The following PATJ variants were observed in gnomAD, a reference collection of about 807,000 sequenced individuals.
PATJ encodes the protein PATJ crumbs cell polarity complex component.
In PATJ, 190 loss-of-function variants were observed where a neutral mutation model predicts 224.9. That is an observed-to-expected ratio of 0.84 (90% CI 0.75 to 0.95). The LOEUF (loss-of-function observed/expected upper bound fraction) is 0.95, where lower values mean the gene tolerates loss of function less well. Among genes scored for constraint, PATJ ranks in the 40% least tolerant of loss-of-function variants. The probability of loss-of-function intolerance (pLI) is 0.00; values close to 1 mark genes in which losing one functional copy is unlikely to be tolerated. For missense variants in PATJ, 2,121 were observed against 2,270.3 expected (o/e 0.93, Z 1.34); for synonymous variants, 769 against 820.3 (o/e 0.94, Z 1.07).
intron 29 of PATJ, among the ~76,000 whole-genome samples, chr1:62,028,195 T>G (rs1363845076): frequency 6.6e-6 from 1 of 152,182 alleles, no homozygotes; most frequent in Non-Finnish European, 1.5e-5. Context: ...TTCATTCTTT[T>G]TTTCCCCTCT....
chr1:61,985,683 A>G (rs1644716972), intron 27 of PATJ, among the ~76,000 whole-genome samples: 1 of 151,998 alleles, frequency 6.6e-6, no homozygotes, highest in Non-Finnish European at 1.5e-5. Flanking sequence ...GCACCTGCAG[A>G]TGTTCCAGGG....
chr1:62,081,928 T>C (rs1659334720), intron 32 of PATJ, among the ~76,000 whole-genome samples: 1 of 152,238 alleles, frequency 6.6e-6, no homozygotes, highest in Non-Finnish European at 1.5e-5. Flanking sequence ...ACGTCATTTT[T>C]ATTGTAAATT....
At chr1:61,902,548 A>G (rs1571206422) in intron 24 of PATJ, among the ~76,000 whole-genome samples, 1 of 152,154 alleles carries the variant, frequency 6.6e-6, no homozygotes, top group Non-Finnish European at 1.5e-5. Flanking sequence ...CGATAGCATT[A>G]TTGTGAGGAT....
At chr1:61,961,658 T>C (rs1681299688) in intron 27 of PATJ, among the ~76,000 whole-genome samples, 2 of 152,064 alleles carry the variant, frequency 1.3e-5, no homozygotes, top group South Asian at 2.1e-4. Flanking sequence ...AAAAATGATA[T>C]AAAGCAGACA....
chr1:61,947,416 C>T (rs1215484076), intron 27 of PATJ, among the ~76,000 whole-genome samples: 1 of 152,128 alleles, frequency 6.6e-6, no homozygotes, highest in East Asian at 1.9e-4. Context: ...CATTCTTATA[C>T]ACCAATAATG....
intron 7 of PATJ, among the ~76,000 whole-genome samples, chr1:61,776,964 A>T (rs1271965142): frequency 6.6e-6 from 1 of 152,092 alleles, no homozygotes; most frequent in Non-Finnish European, 1.5e-5. Context: ...TGACCTCGTG[A>T]TCCGCCCGCC....
chr1:61,979,451 G>A (rs566928971), intron 27 of PATJ, among the ~76,000 whole-genome samples: 1 of 152,074 alleles, frequency 6.6e-6, no homozygotes, highest in South Asian at 2.1e-4. Flanking sequence ...TCAGGAGATT[G>A]AGACCATCCC....
chr1:62,125,269 AAAAAAC>A (rs1665601564), intron 39 of PATJ, among the ~76,000 whole-genome samples: 3 of 148,594 alleles, frequency 2.0e-5, no homozygotes, highest in African/African-American at 7.5e-5. Context: ...AAAAACAAAA[AAAAAAC>A]GCCATTAGCT....
chr1:61,927,949 T>TA (rs368859575), intron 27 of PATJ, 120 bp downstream of exon 27: 7 of 700,246 alleles, frequency 1.0e-5, no homozygotes, highest in African/African-American at 9.1e-5. Flanking sequence ...GAATGTATGC[T>TA]AAAAAATCAA....
At chr1:62,045,906 T>C (rs1652452981) in intron 30 of PATJ, among the ~76,000 whole-genome samples, 1 of 152,070 alleles carries the variant, frequency 6.6e-6, no homozygotes, top group Non-Finnish European at 1.5e-5. Context: ...CAGAGCAGAA[T>C]CCACATTGTT....
intron 28 of PATJ, among the ~76,000 whole-genome samples, chr1:62,014,127 C>T (rs957956792): frequency 6.6e-6 from 1 of 152,144 alleles, no homozygotes; most frequent in African/African-American, 2.4e-5. Flanking sequence ...ACAGTCATAG[C>T]TCACTGCAGT....
intron 29 of PATJ, among the ~76,000 whole-genome samples, chr1:62,033,857 C>T (rs1429009170): frequency 6.6e-6 from 1 of 152,136 alleles, no homozygotes; most frequent in Non-Finnish European, 1.5e-5. Flanking sequence ...CTGCCAGGTA[C>T]CACACTACAA....
chr1:61,864,037 T>C (rs1665030078), intron 19 of PATJ, among the ~76,000 whole-genome samples: 1 of 152,234 alleles, frequency 6.6e-6, no homozygotes, highest in Admixed American at 6.5e-5. Context: ...GCCTCATAAT[T>C]TACTATTTGT....
At chr1:62,002,371 C>T (rs757398832) in intron 28 of PATJ, among the ~76,000 whole-genome samples, 53 of 152,056 alleles carry the variant, frequency 3.5e-4, no homozygotes, top group Non-Finnish European at 8.8e-5. Context: ...TGTAATCCTG[C>T]CCCTACAGGA....
chr1:62,125,236 C>CAAAAAAAAAAAAAAA lies in PATJ; in HGVS notation c.5043+2181_5043+2195dup, dbSNP rs761278812. On this transcript the variant is annotated intron_variant, in intron 39 of 43. Transcript: ENST00000642238. The stretch of plus-strand genomic sequence containing the variant: ...TGGGTGACAGAGTAAAACCCTGTCT[C>CAAAAAAAAAAAAAAA]AAAAAAAAAAAAAAAAACAAAAAAA... 2.1e-3 allele frequency among the ~76,000 whole-genome samples: 57 copies of CAAAAAAAAAAAAAAA among 27,732 alleles called. 5 individuals carry two copies. The highest frequency in any genetic ancestry group is 6.8e-3 in the East Asian group (5 of 732). 18.2% of individuals were successfully genotyped at this position (27,732 alleles called of 152,430 possible). A position where few individuals can be genotyped will look rare whatever the true frequency, so the allele number is the denominator to read the frequency against.
intron 29 of PATJ, among the ~76,000 whole-genome samples, chr1:62,034,060 A>G (rs1649863904): frequency 6.6e-6 from 1 of 152,196 alleles, no homozygotes; most frequent in African/African-American, 2.4e-5. Context: ...TCTTAAAGAT[A>G]ATTATAAAAA....
chr1:61,867,573 ATTTTTT>A (rs59246792), intron 20 of PATJ, among the ~76,000 whole-genome samples: 43 of 145,368 alleles, frequency 3.0e-4, no homozygotes, highest in Admixed American at 1.4e-3. Flanking sequence ...AATCTGTAAA[ATTTTTT>A]TTTTTTTTTT....
At chr1:61,927,090 A>G (rs1412347976) in intron 26 of PATJ, among the ~76,000 whole-genome samples, 5 of 152,226 alleles carry the variant, frequency 3.3e-5, no homozygotes, top group African/African-American at 1.2e-4. Flanking sequence ...AATTGTGTGT[A>G]TGAACCAAAT....
At chr1:61,919,659 G>T (rs1248306322) in intron 26 of PATJ, among the ~76,000 whole-genome samples, 2 of 151,796 alleles carry the variant, frequency 1.3e-5, no homozygotes, top group Admixed American at 6.6e-5. Flanking sequence ...TTGAATTTCT[G>T]TTTTTTGGTA....
Sources: allele counts gnomAD v4.1 joint callset (sites outside exome capture counted in the v4.1 genomes callset), GRCh38; gene constraint gnomAD v4.1.1; transcripts MANE v1.5; gene names NCBI Gene and HGNC (gene_info 2026-07-23, HGNC 2026-07-21).